Variants in CTNNA2 observed in about 807,000 individuals in gnomAD.
The protein encoded by CTNNA2 is catenin alpha-2.
Under a neutral mutation model 101.0 loss-of-function variants are expected in CTNNA2, and 42 were observed. That is an observed-to-expected ratio of 0.42 (90% confidence interval 0.32 to 0.54). CTNNA2 has a LOEUF of 0.54. Among genes scored for constraint, CTNNA2 ranks in the 20% least tolerant of loss-of-function variants. The probability of loss-of-function intolerance (pLI) is 0.14; values close to 1 mark genes in which losing one functional copy is unlikely to be tolerated. For synonymous variants in CTNNA2, 450 were observed against 456.4 expected (o/e 0.99, Z 0.18); for missense variants, 871 against 1,223.1 (o/e 0.71, Z 4.29).
chr2:79,879,743 A>G (rs1188494474), intron 6 of CTNNA2, among the ~76,000 whole-genome samples: 1 of 152,176 alleles, frequency 6.6e-6, no homozygotes, highest in Non-Finnish European at 1.5e-5. Context: ...TTTTCTTGAT[A>G]TACAATCATG....
chr2:79,340,567 C>T lies in CTNNA2; in HGVS notation c.-318+27771C>T, dbSNP rs1004690748. Among the ~76,000 whole-genome samples the T allele has an allele frequency of 6.6e-5, 10 of 152,274 alleles. No individual in the cohort carries two copies. The East Asian group carries it at 1.7e-3, about 27-fold the overall frequency. ...GAATACATGAGGCCGGGCGTGGTGG[C>T]TCACGCCTGTAATCCCAGCACTTTG... On this transcript the variant is annotated intron_variant, in intron 3 of 21. Coordinates refer to the CTNNA2 transcript ENST00000466387.
At chr2:80,188,263 T>C (rs1706257265) in intron 7 of CTNNA2, among the ~76,000 whole-genome samples, 1 of 152,222 alleles carries the variant, frequency 6.6e-6, no homozygotes, top group African/African-American at 2.4e-5. Flanking sequence ...AAAATGTGAA[T>C]GTGAAGATCC....
intron 4 of CTNNA2, among the ~76,000 whole-genome samples, chr2:79,481,298 A>G (rs1671107159): frequency 6.6e-6 from 1 of 152,154 alleles, no homozygotes; most frequent in Admixed American, 6.6e-5. Context: ...ATTATATTTT[A>G]ATGAAAAGAC....
intron 9 of CTNNA2, among the ~76,000 whole-genome samples, chr2:80,437,986 G>T (rs1016228089): frequency 2.0e-5 from 3 of 151,810 alleles, no homozygotes; most frequent in Admixed American, 6.6e-5. Context: ...TCCAGACTGG[G>T]CAACAAGAGC....
intron 7 of CTNNA2, among the ~76,000 whole-genome samples, chr2:80,134,500 A>G (rs1419357193): frequency 2.0e-5 from 3 of 152,184 alleles, no homozygotes; most frequent in Non-Finnish European, 4.4e-5. Flanking sequence ...AATAAACTTC[A>G]ACTTCATCCA....
At chr2:79,544,181 A>G (rs1449335802) in intron 1 of CTNNA2, among the ~76,000 whole-genome samples, 1 of 152,146 alleles carries the variant, frequency 6.6e-6, no homozygotes, top group Non-Finnish European at 1.5e-5. Context: ...CAAGTGATCC[A>G]CCTGCCTTGG....
chr2:80,548,944 T>TA (rs1486400213), intron 11 of CTNNA2, among the ~76,000 whole-genome samples: 1 of 152,220 alleles, frequency 6.6e-6, no homozygotes, highest in Non-Finnish European at 1.5e-5. Context: ...AAACTCTATT[T>TA]AAAAAACAAT....
At chr2:79,296,042 T>TA (rs1296523578) in intron 2 of CTNNA2, among the ~76,000 whole-genome samples, 3 of 152,094 alleles carry the variant, frequency 2.0e-5, no homozygotes, top group African/African-American at 7.2e-5. Flanking sequence ...TCATTCCTAC[T>TA]ATGCTTATAA....
intron 3 of CTNNA2, among the ~76,000 whole-genome samples, chr2:79,823,456 T>G (rs1164388140): frequency 6.6e-6 from 1 of 152,110 alleles, no homozygotes; most frequent in Non-Finnish European, 1.5e-5. Context: ...AGGCGGAGGT[T>G]GCAGTGAGCT....
chr2:80,335,012 A>G (rs1430809690), intron 7 of CTNNA2, among the ~76,000 whole-genome samples: 2 of 152,242 alleles, frequency 1.3e-5, no homozygotes, highest in Non-Finnish European at 2.9e-5. Context: ...GAATGAATTA[A>G]GAAAGAAAGG....
intron 6 of CTNNA2, among the ~76,000 whole-genome samples, chr2:79,885,112 A>G (rs1425873369): frequency 6.6e-6 from 1 of 152,138 alleles, no homozygotes; most frequent in African/African-American, 2.4e-5. Flanking sequence ...TTTAAGGGAC[A>G]TTAAGAGGTT....
intron 2 of CTNNA2, among the ~76,000 whole-genome samples, chr2:79,241,678 A>G (rs899965225): frequency 6.6e-6 from 1 of 152,216 alleles, no homozygotes; most frequent in South Asian, 2.1e-4. Context: ...AAAAGTTTCT[A>G]TCCAATTGAA....
In CTNNA2 at chr2:80,348,552, C is replaced by G. The variant is rs148658326; in HGVS notation, c.1057-44659C>G. ...AAGTCTTTATCTGATTCCTAAAGCC[C>G]GTACTTTTCTGATCCTCCATGCTGT... On this transcript the variant is annotated intron_variant, in intron 7 of 18. Transcript: ENST00000402739. 3.5e-3 allele frequency among the ~76,000 whole-genome samples: 539 copies of G among 152,190 alleles called. 2 individuals carry two copies. Among genetic ancestry groups the G allele is most frequent in the Non-Finnish European group, 5.9e-3 (401 of 68,004 alleles).
At chr2:80,337,545 C>A (rs943438995) in intron 7 of CTNNA2, among the ~76,000 whole-genome samples, 1 of 133,192 alleles carries the variant, frequency 7.5e-6, no homozygotes, top group Non-Finnish European at 1.5e-5. Flanking sequence ...TGCAGAAGAA[C>A]GATACTCCAC....
intron 7 of CTNNA2, among the ~76,000 whole-genome samples, chr2:80,208,874 A>C (rs1316843270): frequency 2.0e-5 from 3 of 152,164 alleles, no homozygotes; most frequent in Admixed American, 2.0e-4. Context: ...ATTGAAATAT[A>C]CCTAGGAGCA....
intron 1 of CTNNA2, among the ~76,000 whole-genome samples, chr2:79,622,422 A>G (rs1357799733): frequency 6.6e-6 from 1 of 152,242 alleles, no homozygotes; most frequent in East Asian, 1.9e-4. Flanking sequence ...GCAGTGCTTT[A>G]AAGAAAGAGG....
rs533572205 is a variant in CTNNA2, at chr2:80,438,180, G to A, written c.1290+18579G>A. ...TGCCATCTCACGGCGCCCTCGCATG[G>A]TCTTTCCTCTATGCTCGCACATCCC... On this transcript the variant is annotated intron_variant, in intron 9 of 18. Transcript: ENST00000402739. Among the ~76,000 whole-genome samples, 3 of 152,252 alleles carry A rather than the reference G, an allele frequency of 2.0e-5. No individual in the cohort carries two copies. The East Asian group carries it at 5.8e-4, about 29-fold the overall frequency.
intron 2 of CTNNA2, among the ~76,000 whole-genome samples, chr2:79,266,733 A>T (rs1038265943): frequency 6.6e-5 from 10 of 152,070 alleles, no homozygotes; most frequent in African/African-American, 9.7e-5. Flanking sequence ...TAGGGGATAC[A>T]TTGACTTACC....
At chr2:79,544,328 T>C (rs966584014) in intron 1 of CTNNA2, among the ~76,000 whole-genome samples, 1 of 152,190 alleles carries the variant, frequency 6.6e-6, no homozygotes, top group Admixed American at 6.5e-5. Context: ...CATAATCTCT[T>C]GAGCTGAAAG....
Sources: gnomAD v4.1 joint callset for allele counts (sites outside exome capture counted in the v4.1 genomes callset) on GRCh38, gnomAD v4.1.1 for gene constraint, MANE v1.5 for transcripts, NCBI Gene and HGNC (gene_info 2026-07-23, HGNC 2026-07-21) for gene names.